Variants in ADAM29 observed in about 807,000 individuals in gnomAD.
ADAM29 encodes disintegrin and metalloproteinase domain-containing protein 29.
For synonymous variants in ADAM29, 367 were observed against 342.3 expected, an observed-to-expected ratio of 1.07 and a Z score of -0.80; for missense variants, 969 against 1,001.8, an observed-to-expected ratio of 0.97 and a Z score of 0.44.
chr4:174,957,533 G>T (rs762399515), intron 4 of ADAM29, among the ~76,000 whole-genome samples: 1 of 151,748 alleles, frequency 6.6e-6, no homozygotes, highest in Non-Finnish European at 1.5e-5. Flanking sequence ...CAGTTTCTGT[G>T]TATCTAGGAG....
chr4:174,965,691 T>G (rs1310953096), intron 4 of ADAM29, among the ~76,000 whole-genome samples: 1 of 152,024 alleles, frequency 6.6e-6, no homozygotes, highest in Non-Finnish European at 1.5e-5. Flanking sequence ...AAAAAATGGT[T>G]TGCCTACCAC....
chr4:174,977,547 G>T lies in ADAM29; in HGVS notation c.2022G>T (p.Lys674Asn). The T allele has an allele frequency of 6.2e-7, 1 of 1,614,104 alleles. No individual in the cohort carries two copies. Among genetic ancestry groups the T allele is most frequent in the Non-Finnish European group, 8.5e-7 (1 of 1,179,998 alleles). Reference protein sequence around the residue: ...SGPPPKRKKKKKFCYLCILLL... With the variant: ...SGPPPKRKKKNKFCYLCILLL... Reference sequence around the variant, plus strand: ...CACCCCCTAAGAGAAAGAAGAAAAAGAAGTTCTGTTATCTGTGTATATTGT... The same window carrying T: ...CACCCCCTAAGAGAAAGAAGAAAAATAAGTTCTGTTATCTGTGTATATTGT... Residue 674 changes from lysine (K) to asparagine (N), a missense_variant, in exon 5 of 5, where the codon AAG becomes AAT. By Grantham distance (94) the Lys-to-Asn change is moderately conservative. Transcript: ENST00000359240.
intron 3 of ADAM29, among the ~76,000 whole-genome samples, chr4:174,932,253 T>C (rs7665140): frequency 0.91 from 138,954 of 152,042 alleles, 63,565 homozygotes; most frequent in East Asian, 0.96. Context: ...TGCCATTGCA[T>C]TCCAGCCTGG....
chr4:174,966,203 A>G (rs1257918901), intron 4 of ADAM29, among the ~76,000 whole-genome samples: 1 of 152,202 alleles, frequency 6.6e-6, no homozygotes, highest in African/African-American at 2.4e-5. Flanking sequence ...TGTTCAGTAC[A>G]GATGCAATTT....
chr4:174,970,823 GTAA>G (rs1294931447), intron 4 of ADAM29, among the ~76,000 whole-genome samples: 1 of 152,064 alleles, frequency 6.6e-6, no homozygotes, highest in Non-Finnish European at 1.5e-5. Context: ...GGCATCTGTA[GTAA>G]TGTTGCCTCT....
chr4:174,932,359 G>T (rs774980626), intron 3 of ADAM29, among the ~76,000 whole-genome samples: 1 of 152,144 alleles, frequency 6.6e-6, no homozygotes, highest in Non-Finnish European at 1.5e-5. Context: ...TAATCAGAGA[G>T]TAAAGATGTA....
Position 174,975,403 on chromosome 4 carries a change from A to T in ADAM29, c.-123A>T. 1.1e-6 allele frequency: 1 copy of T among 926,128 alleles called. No homozygotes were observed. Among genetic ancestry groups the T allele is most frequent in the Non-Finnish European group, 1.5e-6 (1 of 647,148 alleles). The allele number at this position is 926,128 out of a possible 1,614,324, so 57.4% of individuals were successfully genotyped here. A position where few individuals can be genotyped will look rare whatever the true frequency, so the allele number is the denominator to read the frequency against. On this transcript the variant is annotated 5_prime_UTR_variant, in exon 5 of 5. Coordinates refer to ENST00000359240, the MANE Select transcript of ADAM29 (RefSeq NM_014269.4). ...AGATGGATCTTTAATGATTAGCACT[A>T]CACACTGACCAACTCAGAAGAAGGA...
rs1746924496 is a variant in ADAM29 at position 174,977,569 on chromosome 4, T to C, written c.2044T>C (p.Leu682=). 1 of 1,613,886 alleles carries C rather than the reference T, an allele frequency of 6.2e-7. No homozygotes were observed. The highest frequency in any genetic ancestry group is 8.5e-7 in the Non-Finnish European group (1 of 1,179,920). Residue 682 remains leucine, a synonymous_variant, in exon 5 of 5, where the codon TTG becomes CTG. Transcript: ENST00000359240. ...AAAGAAGTTCTGTTATCTGTGTATATTGTTGCTTATTGTTTTGTTTATTTT... is the reference window on the plus strand; with the variant it reads ...AAAGAAGTTCTGTTATCTGTGTATACTGTTGCTTATTGTTTTGTTTATTTT... ...KKKKFCYLCI[L]LLIVLFILLC...
At chr4:174,967,534 G>A (rs1000793180) in intron 4 of ADAM29, among the ~76,000 whole-genome samples, 3 of 152,060 alleles carry the variant, frequency 2.0e-5, no homozygotes, top group Non-Finnish European at 4.4e-5. Context: ...ATTTCAAAAT[G>A]TGCTAATTTC....
At chr4:174,933,078 T>C (rs1743994504) in intron 3 of ADAM29, among the ~76,000 whole-genome samples, 1 of 152,206 alleles carries the variant, frequency 6.6e-6, no homozygotes, top group South Asian at 2.1e-4. Flanking sequence ...GCTCTGAGGA[T>C]GTTTTGTAAT....
chr4:174,937,264 G>A lies in ADAM29; in HGVS notation c.-181+251G>A, dbSNP rs73001898. 1.6e-3 allele frequency among the ~76,000 whole-genome samples: 236 copies of A among 152,000 alleles called. 2 individuals carry two copies. Among genetic ancestry groups the A allele is most frequent in the African/African-American group, 5.5e-3 (227 of 41,514 alleles). On this transcript the variant is annotated intron_variant, in intron 4 of 4. Coordinates refer to ENST00000359240, the MANE Select transcript of ADAM29 (RefSeq NM_014269.4). ...TAGAATGAATTGTGTCAAGCTGTTAGCCGTCTAGGCCACCAAAAAGAGTTA... is the reference window on the plus strand; with the variant it reads ...TAGAATGAATTGTGTCAAGCTGTTAACCGTCTAGGCCACCAAAAAGAGTTA...
Position 174,975,716 on chromosome 4 carries a change from T to G in ADAM29, c.191T>G (p.Ile64Ser), listed in dbSNP as rs752122208. 2 of 1,611,908 alleles carry G rather than the reference T, an allele frequency of 1.2e-6. No individual in the cohort carries two copies. Among genetic ancestry groups the G allele is most frequent in the Non-Finnish European group, 1.7e-6 (2 of 1,179,104 alleles). Residue 64 changes from isoleucine (I) to serine (S), a missense_variant, in exon 5 of 5, where the codon ATT becomes AGT. Ile to Ser is a moderately radical substitution (Grantham distance 142). Coordinates refer to ENST00000359240, the MANE Select transcript of ADAM29 (RefSeq NM_014269.4). ...CTGCCCTTTGGAGGCCAGAAACACA[T>G]TATCCACATAAAGGTCAAGAAGCTT... ...YILPFGGQKH[I>S]IHIKVKKLLF... is the part of the protein sequence containing the mutation.
At chr4:174,919,224 C>G (rs1055934201) in intron 1 of ADAM29, among the ~76,000 whole-genome samples, 1 of 152,102 alleles carries the variant, frequency 6.6e-6, no homozygotes, top group African/African-American at 2.4e-5. Flanking sequence ...TCATCTGAAG[C>G]ATAATATATC....
At chr4:174,957,722 G>A (rs922387937) in intron 4 of ADAM29, among the ~76,000 whole-genome samples, 5 of 151,644 alleles carry the variant, frequency 3.3e-5, no homozygotes, top group African/African-American at 1.2e-4. Flanking sequence ...CTCCTTATGA[G>A]TTATTTTTGG....
At chr4:174,957,082 C>T (rs935020913) in intron 4 of ADAM29, among the ~76,000 whole-genome samples, 1 of 151,880 alleles carries the variant, frequency 6.6e-6, no homozygotes, top group African/African-American at 2.4e-5. Context: ...ACACAGGCAA[C>T]AATTGCTTCA....
intron 4 of ADAM29, among the ~76,000 whole-genome samples, chr4:174,952,070 G>T (rs1180880657): frequency 6.6e-6 from 1 of 151,932 alleles, no homozygotes; most frequent in African/African-American, 2.4e-5. Flanking sequence ...ATGCTAATTA[G>T]CTTGATTTAG....
At chr4:174,954,870 C>G (rs1056707943) in intron 4 of ADAM29, among the ~76,000 whole-genome samples, 3 of 152,042 alleles carry the variant, frequency 2.0e-5, no homozygotes, top group Non-Finnish European at 4.4e-5. Flanking sequence ...TTTAAATGCT[C>G]TATTTCTAGT....
intron 4 of ADAM29, among the ~76,000 whole-genome samples, chr4:174,973,434 T>C: frequency 6.6e-6 from 1 of 152,294 alleles, no homozygotes; most frequent in African/African-American, 2.4e-5. Context: ...CAGGATGTGG[T>C]AGTCATTCAA....
intron 4 of ADAM29, among the ~76,000 whole-genome samples, chr4:174,942,070 C>T (rs920806895): frequency 2.0e-5 from 3 of 152,212 alleles, no homozygotes; most frequent in Non-Finnish European, 4.4e-5. Context: ...TCATGTCTCA[C>T]ATCAAGGGCA....
Sources: gnomAD v4.1 joint callset for allele counts (sites outside exome capture counted in the v4.1 genomes callset) on GRCh38, gnomAD v4.1.1 for gene constraint, MANE v1.5 for transcripts, NCBI Gene and HGNC (gene_info 2026-07-23, HGNC 2026-07-21) for gene names.